The following CROCC2 variants were observed in gnomAD, a reference collection of about 807,000 sequenced individuals.
CROCC2 encodes ciliary rootlet coiled-coil, rootletin family member 2.
CROCC2 carries 163 observed loss-of-function variants against 177.6 expected under a neutral mutation model. The observed-to-expected ratio is 0.92, with a 90% confidence interval of 0.81 to 1.05. The LOEUF (loss-of-function observed/expected upper bound fraction) is 1.05, where lower values mean the gene tolerates loss of function less well. Among genes scored for constraint, CROCC2 ranks in the 50% least tolerant of loss-of-function variants. The probability of loss-of-function intolerance (pLI) is 0.00; values close to 1 mark genes in which losing one functional copy is unlikely to be tolerated. For synonymous variants in CROCC2, 904 were observed against 787.3 expected, an observed-to-expected ratio of 1.15 and a Z score of -2.48; for missense variants, 1,929 against 1,797.8, an observed-to-expected ratio of 1.07 and a Z score of -1.32.
At chr2:240,907,361 C>G (rs4588186) in intron 1 of CROCC2, among the ~76,000 whole-genome samples, 60,361 of 151,924 alleles carry the variant, frequency 0.4, 12,848 homozygotes, top group Admixed American at 0.47. Context: ...CTCGGATATC[C>G]CTCCTCCCTG....
intron 12 of CROCC2, among the ~76,000 whole-genome samples, 198 bp from the exon 13 acceptor site, chr2:240,934,718 C>G (rs1032562101): frequency 6.6e-6 from 1 of 152,242 alleles, no homozygotes; most frequent in African/African-American, 2.4e-5. Flanking sequence ...CCACCAGCCA[C>G]CTCCTCTGGC....
intron 15 of CROCC2, among the ~76,000 whole-genome samples, chr2:240,946,510 A>T (rs1430685668): frequency 6.6e-6 from 1 of 152,200 alleles, no homozygotes; most frequent in Non-Finnish European, 1.5e-5. Context: ...CACAGCTCAG[A>T]CCAGGGGAAG....
chr2:240,946,073 A>T lies in CROCC2; in HGVS notation c.2183A>T (p.Lys728Ile). The T allele has an allele frequency of 6.6e-7, 1 of 1,516,146 alleles. No homozygotes were observed. The highest frequency in any genetic ancestry group is 8.9e-7 in the Non-Finnish European group (1 of 1,120,784). The allele number at this position is 1,516,146 out of a possible 1,614,324, so 93.9% of individuals were successfully genotyped here. The change falls in exon 15 of 32, where the codon AAA (lysine) becomes ATA (isoleucine). Residue 728 changes from lysine (K) to isoleucine (I), a missense_variant. By Grantham distance (102) the Lys-to-Ile change is moderately radical (BLOSUM62 -3). Coordinates refer to ENST00000690015, the MANE Select transcript of CROCC2 (RefSeq NM_001351305.2). Reference sequence around the variant, plus strand: ...CACCTCCCCTAGGTCACATGCCAGAAACAGGCCCTGGAGGAGCAGCTGGCT... The same window carrying T: ...CACCTCCCCTAGGTCACATGCCAGATACAGGCCCTGGAGGAGCAGCTGGCT... ...QEQVGQVTCQ[K>I]QALEEQLAQS...
intron 14 of CROCC2, among the ~76,000 whole-genome samples, chr2:240,936,767 G>T (rs1038753395): frequency 2.0e-5 from 3 of 152,164 alleles, no homozygotes; most frequent in African/African-American, 7.2e-5. Context: ...TTATGTCTAG[G>T]TCCATTATGT....
chr2:240,946,016 T>C lies in CROCC2; in HGVS notation c.2170-44T>C, dbSNP rs563239559. 8.7e-5 allele frequency: 125 copies of C among 1,429,356 alleles called. No individual in the cohort carries two copies. The African/African-American group carries it at 1.5e-3, about 17-fold the overall frequency. The allele number at this position is 1,429,356 out of a possible 1,614,324, so 88.5% of individuals were successfully genotyped here. A position where few individuals can be genotyped will look rare whatever the true frequency, so the allele number is the denominator to read the frequency against. On this transcript the variant is annotated intron_variant, in intron 14 of 31. Coordinates refer to ENST00000690015, the MANE Select transcript of CROCC2 (RefSeq NM_001351305.2). Reference sequence around the variant, plus strand: ...AAGAGGCCCATGCTCACCCACCCACTTACTCTCTTTCTCTGCCGACTGTCC... The same window carrying C: ...AAGAGGCCCATGCTCACCCACCCACCTACTCTCTTTCTCTGCCGACTGTCC...
At chr2:240,954,120 AT>A (rs2059574314) in intron 18 of CROCC2, among the ~76,000 whole-genome samples, 1 of 152,170 alleles carries the variant, frequency 6.6e-6, no homozygotes, top group African/African-American at 2.4e-5. Flanking sequence ...GGGAGCACTG[AT>A]TTTTAAAATT....
intron 30 of CROCC2, among the ~76,000 whole-genome samples, chr2:240,990,995 G>T (rs1027248547): frequency 6.6e-6 from 1 of 152,252 alleles, no homozygotes; most frequent in Non-Finnish European, 1.5e-5. Flanking sequence ...GTGAGAGGTG[G>T]AACTGCGCAT....
intron 31 of CROCC2, among the ~76,000 whole-genome samples, chr2:240,991,483 G>C (rs1180815366): frequency 1.3e-5 from 2 of 152,244 alleles, no homozygotes; most frequent in African/African-American, 4.8e-5. Context: ...GGTGCAGGCA[G>C]CCACCGCCCG....
intron 2 of CROCC2, among the ~76,000 whole-genome samples, chr2:240,919,167 C>T (rs1014747427): frequency 2.1e-5 from 3 of 143,288 alleles, no homozygotes; most frequent in African/African-American, 8.0e-5. Flanking sequence ...TGCAGCTGGC[C>T]AAGGTGACGG....
chr2:240,961,581 TACACTC>T (rs2059634921), intron 20 of CROCC2, among the ~76,000 whole-genome samples: 1 of 82,618 alleles, frequency 1.2e-5, no homozygotes, highest in African/African-American at 4.5e-5. Context: ...TCATCACACA[TACACTC>T]ACACACACAC....
chr2:240,915,751 A>C (rs915277999), intron 1 of CROCC2, among the ~76,000 whole-genome samples: 2 of 151,944 alleles, frequency 1.3e-5, no homozygotes, highest in African/African-American at 4.8e-5. Context: ...GATCGGGTTG[A>C]GTGGGCCAGC....
Position 240,918,776 on chromosome 2 carries a change from G to A in CROCC2, c.129G>A (p.Ala43=), listed in dbSNP as rs774630852. 10 of 589,730 alleles carry A rather than the reference G, an allele frequency of 1.7e-5. No individual in the cohort carries two copies. Among genetic ancestry groups the A allele is most frequent in the East Asian group, 1.6e-4 (5 of 31,636 alleles). The allele number at this position is 589,730 out of a possible 1,614,324, so 36.5% of individuals were successfully genotyped here. A position where few individuals can be genotyped will look rare whatever the true frequency, so the allele number is the denominator to read the frequency against. ...LSPTASREDR[A]LTVRGEGRQA... ...CCACAGCCAGCAGGGAAGACCGGGC[G>A]CTGACCGTGCGTGGGGAAGGCCGGC... is the stretch of plus-strand genomic sequence containing the variant. The change falls in exon 2 of 32, where the codon GCG becomes GCA. Residue 43 remains alanine, a synonymous_variant. Coordinates refer to ENST00000690015, the MANE Select transcript of CROCC2 (RefSeq NM_001351305.2). The surrounding 1 kb of genome is among the most constrained non-coding windows in gnomAD (Gnocchi z 6.3).
At chr2:240,983,285 C>A in intron 28 of CROCC2, 1 of 1,060,616 alleles carries the variant, frequency 9.4e-7, no homozygotes, top group Non-Finnish European at 1.3e-6. Context: ...GTAAGCACCC[C>A]TACAACAGAG....
chr2:240,913,129 C>A (rs1308597559), intron 1 of CROCC2, among the ~76,000 whole-genome samples: 1 of 152,192 alleles, frequency 6.6e-6, no homozygotes, highest in South Asian at 2.1e-4. Context: ...GTCCAAGGAT[C>A]GTGTCCCACA....
intron 27 of CROCC2, among the ~76,000 whole-genome samples, chr2:240,971,112 C>A (rs2059717588): frequency 6.6e-6 from 1 of 152,190 alleles, no homozygotes; most frequent in Non-Finnish European, 1.5e-5. Flanking sequence ...AGTGTGGCAG[C>A]AGCACCTGCA....
rs561492631 is a variant in CROCC2, at chr2:240,919,990, A to G, written c.237A>G (p.Val79=). The G allele has an allele frequency of 2.5e-5, 18 of 713,490 alleles. No homozygotes were observed. Among genetic ancestry groups the G allele is most frequent in the Non-Finnish European group, 4.7e-5 (18 of 383,098 alleles). The allele number at this position is 713,490 out of a possible 1,614,324, so 44.2% of individuals were successfully genotyped here. Reference sequence around the variant, plus strand: ...GACCCAGGTACCGTGCAGCAGGGGTACAGGAGCCGACAGCCACTGTGGCCC... The same window carrying G: ...GACCCAGGTACCGTGCAGCAGGGGTGCAGGAGCCGACAGCCACTGTGGCCC... ...SLSEEPPQAG[V]QEPTATVARV... Residue 79 remains valine, a synonymous_variant, in exon 3 of 32, where the codon GTA becomes GTG. Coordinates refer to ENST00000690015, the MANE Select transcript of CROCC2 (RefSeq NM_001351305.2).
chr2:240,939,314 T>A (rs2059484674), intron 14 of CROCC2, among the ~76,000 whole-genome samples: 1 of 152,158 alleles, frequency 6.6e-6, no homozygotes, highest in African/African-American at 2.4e-5. Flanking sequence ...ACTGATTAAT[T>A]TTTTAGATGT....
rs2059610361 is a variant in CROCC2 at position 240,958,745 on chromosome 2, G to T, written c.2944-556G>T. The T allele has an allele frequency of 4.3e-6, 1 of 235,018 alleles. No homozygotes were observed. Among genetic ancestry groups the T allele is most frequent in the African/African-American group, 2.3e-5 (1 of 42,880 alleles). The allele number at this position is 235,018 out of a possible 1,614,324, so 14.6% of individuals were successfully genotyped here. ...CTGCCCTGCTGCCGCAACCTGGGCAGGGGTGCAGTGGGGAGGGCCTTGAGA... is the reference window on the plus strand; with the variant it reads ...CTGCCCTGCTGCCGCAACCTGGGCATGGGTGCAGTGGGGAGGGCCTTGAGA... On this transcript the variant is annotated intron_variant, in intron 19 of 31. Coordinates refer to ENST00000690015, the MANE Select transcript of CROCC2 (RefSeq NM_001351305.2). The surrounding 1 kb of genome is among the most constrained non-coding windows in gnomAD (Gnocchi z 6.7).
At chr2:240,974,975 G>A (rs2106485487) in intron 27 of CROCC2, among the ~76,000 whole-genome samples, 1 of 152,202 alleles carries the variant, frequency 6.6e-6, no homozygotes, top group Non-Finnish European at 1.5e-5. Context: ...AGGGATGACG[G>A]TTTTCTTTTG....
Sources: gnomAD v4.1 joint callset for allele counts (sites outside exome capture counted in the v4.1 genomes callset) on GRCh38, gnomAD v4.1.1 for gene constraint, Gnocchi (gnomAD v3.1) non-coding constraint, MANE v1.5 for transcripts, NCBI Gene and HGNC (gene_info 2026-07-23, HGNC 2026-07-21) for gene names.